MAP6: variants seen among roughly 807,000 people sequenced by gnomAD.
MAP6 encodes microtubule associated protein 6, also known as microtubule-associated protein 6.
A neutral mutation model predicts 42.4 loss-of-function variants in MAP6; 26 were observed. That is an observed-to-expected ratio of 0.61 (90% CI 0.45 to 0.85). The LOEUF (loss-of-function observed/expected upper bound fraction) is 0.85, where lower values mean the gene tolerates loss of function less well. MAP6 is among the 40% of genes least tolerant of loss of function. The probability of loss-of-function intolerance (pLI) is 0.00; values close to 1 mark genes in which losing one functional copy is unlikely to be tolerated. For missense variants in MAP6, 966 were observed against 1,099.0 expected (o/e 0.88, Z 1.71); for synonymous variants, 418 against 443.8 (o/e 0.94, Z 0.73).
At chr11:75,637,165 T>C (rs547255578) in intron 1 of MAP6, among the ~76,000 whole-genome samples, 23 of 152,366 alleles carry the variant, frequency 1.5e-4, no homozygotes, top group African/African-American at 5.0e-4. Flanking sequence ...CTTCTATTAG[T>C]GATTTTGCTC....
intron 1 of MAP6, among the ~76,000 whole-genome samples, chr11:75,642,162 C>G (rs1272342713): frequency 6.6e-6 from 1 of 152,236 alleles, no homozygotes; most frequent in Non-Finnish European, 1.5e-5. Flanking sequence ...AAATGCTACA[C>G]AATGATGTGC....
chr11:75,656,502 T>A (rs1385191195), intron 1 of MAP6, among the ~76,000 whole-genome samples: 2 of 152,142 alleles, frequency 1.3e-5, no homozygotes, highest in East Asian at 1.9e-4. Flanking sequence ...AGGTTGGAGG[T>A]TGAGACCACA....
chr11:75,609,684 G>A (rs1942853395), intron 1 of MAP6, among the ~76,000 whole-genome samples: 1 of 152,166 alleles, frequency 6.6e-6, no homozygotes, highest in African/African-American at 2.4e-5. Context: ...GCCACTTGCC[G>A]GTTATTTGAC....
At chr11:75,647,821 G>A (rs987566055) in intron 1 of MAP6, among the ~76,000 whole-genome samples, 20 of 152,074 alleles carry the variant, frequency 1.3e-4, no homozygotes, top group African/African-American at 4.1e-4. Context: ...ACATAAATAC[G>A]AAAGGATAAA....
chr11:75,668,468 T>C lies in MAP6; in HGVS notation c.-99A>G. Reference sequence around the variant, plus strand: ...CTCCGATCCTGACCGGCCAATGTGGTTCCCACCGTTTTCTACCCCCGATCA... The same window carrying C: ...CTCCGATCCTGACCGGCCAATGTGGCTCCCACCGTTTTCTACCCCCGATCA... On this transcript the variant is annotated 5_prime_UTR_variant, in exon 1 of 4. Transcript: ENST00000304771. 1 of 1,390,564 alleles carries C rather than the reference T, an allele frequency of 7.2e-7. No homozygotes were observed. The highest frequency in any genetic ancestry group is 9.3e-7 in the Non-Finnish European group (1 of 1,072,096). The allele number at this position is 1,390,564 out of a possible 1,614,324, so 86.1% of individuals were successfully genotyped here. A position where few individuals can be genotyped will look rare whatever the true frequency, so the allele number is the denominator to read the frequency against.
chr11:75,624,064 A>G (rs1943156804), intron 1 of MAP6, among the ~76,000 whole-genome samples: 1 of 152,114 alleles, frequency 6.6e-6, no homozygotes. Flanking sequence ...CCCAGGCCCA[A>G]CTAACCTTCT....
intron 1 of MAP6, among the ~76,000 whole-genome samples, chr11:75,624,397 G>A (rs1943161828): frequency 1.3e-5 from 2 of 152,102 alleles, no homozygotes; most frequent in African/African-American, 4.8e-5. Flanking sequence ...CAGAGGGGTG[G>A]GCGGCACTTA....
intron 1 of MAP6, among the ~76,000 whole-genome samples, chr11:75,611,061 C>A (rs924422856): frequency 9.9e-5 from 15 of 152,186 alleles, no homozygotes; most frequent in African/African-American, 3.6e-4. Flanking sequence ...TTTGGCCCTA[C>A]ACACAGGCCT....
intron 3 of MAP6, chr11:75,602,830 G>A: frequency 1.0e-6 from 1 of 985,378 alleles, no homozygotes; most frequent in South Asian, 4.7e-5. Context: ...TACTCAGGTG[G>A]GCCTCACCAA....
At chr11:75,649,981 G>A (rs947252425) in intron 1 of MAP6, among the ~76,000 whole-genome samples, 2 of 152,196 alleles carry the variant, frequency 1.3e-5, no homozygotes, top group Non-Finnish European at 2.9e-5. Flanking sequence ...GGCACCATCA[G>A]ACACTTAAGC....
chr11:75,644,069 A>T (rs1219527540), intron 1 of MAP6, among the ~76,000 whole-genome samples: 1 of 152,190 alleles, frequency 6.6e-6, no homozygotes, highest in Non-Finnish European at 1.5e-5. Context: ...AAGGCTTGGG[A>T]CAGGGCAGAA....
intron 3 of MAP6, among the ~76,000 whole-genome samples, chr11:75,589,016 A>G (rs1353030997): frequency 6.6e-6 from 1 of 152,034 alleles, no homozygotes; most frequent in Non-Finnish European, 1.5e-5. Context: ...CTGTGATTGC[A>G]TGCACCACTC....
intron 3 of MAP6, chr11:75,596,145 T>G (rs1469531437): frequency 6.6e-6 from 1 of 152,268 alleles, no homozygotes; most frequent in East Asian, 1.9e-4. Flanking sequence ...TACAAGGCAT[T>G]TGATTCTCAC....
chr11:75,614,444 A>C (rs752018831), intron 1 of MAP6, among the ~76,000 whole-genome samples: 9 of 152,164 alleles, frequency 5.9e-5, no homozygotes, highest in Non-Finnish European at 1.3e-4. Context: ...GACTTCTGAG[A>C]GTGGCTTATT....
intron 1 of MAP6, among the ~76,000 whole-genome samples, chr11:75,609,324 T>C (rs958961519): frequency 2.0e-5 from 3 of 152,146 alleles, no homozygotes; most frequent in Non-Finnish European, 2.9e-5. Context: ...TGTTCTCCTT[T>C]GGGGGCACAA....
At chr11:75,603,005 C>T (rs1355012804) in intron 3 of MAP6, 2 of 985,632 alleles carry the variant, frequency 2.0e-6, no homozygotes, top group African/African-American at 3.5e-5. Context: ...AATGAAATAG[C>T]ACCAAGAGAG....
intron 1 of MAP6, among the ~76,000 whole-genome samples, chr11:75,662,572 C>T (rs1171353173): frequency 6.6e-6 from 1 of 152,150 alleles, no homozygotes; most frequent in Non-Finnish European, 1.5e-5. Context: ...GATACTTAGG[C>T]TCCATTTTAA....
Position 75,587,042 on chromosome 11 carries a change from G to A in MAP6, c.*17C>T. 1 of 1,538,550 alleles carries A rather than the reference G, an allele frequency of 6.5e-7. No homozygotes were observed. The highest frequency in any genetic ancestry group is 1.3e-5 in the South Asian group (1 of 77,300). On this transcript the variant is annotated 3_prime_UTR_variant, in exon 4 of 4. Coordinates refer to ENST00000304771, the MANE Select transcript of MAP6 (RefSeq NM_033063.2). ...TCTCACTGTCAGCTCCTTCATTGGT[G>A]TGTCAAGGGGTGAGTGTCAAGGGGA...
chr11:75,588,614 G>C (rs772884030), intron 3 of MAP6, among the ~76,000 whole-genome samples: 1 of 152,064 alleles, frequency 6.6e-6, no homozygotes, highest in Non-Finnish European at 1.5e-5. Flanking sequence ...CACAGGCCAG[G>C]GTGCTCTTTT....
Sources: gnomAD v4.1 joint callset for allele counts (sites outside exome capture counted in the v4.1 genomes callset) on GRCh38, gnomAD v4.1.1 for gene constraint, MANE v1.5 for transcripts, NCBI Gene and HGNC (gene_info 2026-07-23, HGNC 2026-07-21) for gene names.